The following DPP4 variants were observed in gnomAD, a reference collection of about 807,000 sequenced individuals.
DPP4 encodes dipeptidyl peptidase 4.
In DPP4, 93 loss-of-function variants were observed where a neutral mutation model predicts 122.4. The ratio of observed to expected loss-of-function variants is 0.76; its 90% CI spans 0.64 to 0.90. The LOEUF is 0.90. Among genes scored for constraint, DPP4 ranks in the 40% least tolerant of loss-of-function variants. The pLI is 0.00. For missense variants in DPP4, 914 were observed against 907.3 expected (o/e 1.01, Z -0.09); for synonymous variants, 321 against 302.9 (o/e 1.06, Z -0.62).
intron 2 of DPP4, among the ~76,000 whole-genome samples, chr2:162,063,886 A>G (rs1053215383): frequency 3.3e-5 from 5 of 152,262 alleles, no homozygotes; most frequent in African/African-American, 9.6e-5. Flanking sequence ...TATGTTCATG[A>G]TCAAATAGAG....
intron 2 of DPP4, among the ~76,000 whole-genome samples, chr2:162,070,224 G>T (rs1446856436): frequency 6.6e-6 from 1 of 152,148 alleles, no homozygotes; most frequent in Non-Finnish European, 1.5e-5. Context: ...ACAGAAGAGG[G>T]TGAACTTTTG....
intron 25 of DPP4, among the ~76,000 whole-genome samples, chr2:161,993,634 C>G (rs927082491): frequency 6.6e-6 from 1 of 152,134 alleles, no homozygotes; most frequent in African/African-American, 2.4e-5. Flanking sequence ...AGAGAACTCA[C>G]TGTGAATTTG....
Position 162,027,753 on chromosome 2 carries a change from A to G in DPP4, c.888-2814T>C, listed in dbSNP as rs555256054. On this transcript the variant is annotated intron_variant, in intron 10 of 25. Transcript: ENST00000360534. ...TAAACATCAGGTTCAGAAATCAGCA[A>G]TATAAAAGCAACCTTTCCCCATTTG... Among the ~76,000 whole-genome samples the G allele has an allele frequency of 2.6e-5, 4 of 152,298 alleles. No homozygotes were observed. The South Asian group carries it at 8.3e-4, about 32-fold the overall frequency.
At chr2:162,058,509 G>C (rs1684653524) in intron 2 of DPP4, among the ~76,000 whole-genome samples, 1 of 152,224 alleles carries the variant, frequency 6.6e-6, no homozygotes, top group Non-Finnish European at 1.5e-5. Context: ...TTTGTCTGGA[G>C]TATGTTTTCC....
chr2:162,025,426 G>C (rs1310469351), intron 10 of DPP4, among the ~76,000 whole-genome samples: 1 of 151,844 alleles, frequency 6.6e-6, no homozygotes, highest in South Asian at 2.1e-4. Flanking sequence ...ATTTTCAAAG[G>C]GGAAAAAATT....
intron 2 of DPP4, among the ~76,000 whole-genome samples, chr2:162,070,307 C>T (rs760605999): frequency 4.7e-5 from 7 of 148,340 alleles, no homozygotes; most frequent in Non-Finnish European, 9.0e-5. Flanking sequence ...TAGTATTAAG[C>T]CTCTCTCTCT....
chr2:162,058,246 A>G (rs115753149), intron 2 of DPP4, among the ~76,000 whole-genome samples: 170 of 152,362 alleles, frequency 1.1e-3, no homozygotes, highest in African/African-American at 3.8e-3. Context: ...CCTGAGTCAC[A>G]TACCATGCAG....
rs1266468898 is a variant in DPP4 at position 162,018,716 on chromosome 2, A to T, written c.1420+13T>A. 6.2e-7 allele frequency: 1 copy of T among 1,612,952 alleles called. No homozygotes were observed. The highest frequency in any genetic ancestry group is 1.7e-5 in the Admixed American group (1 of 59,724). On this transcript the variant is annotated intron_variant, in intron 16 of 25. Coordinates refer to ENST00000360534, the MANE Select transcript of DPP4 (RefSeq NM_001935.4). The stretch of plus-strand genomic sequence containing the variant: ...GCGGCGACTGCCCTCCCTCCCAGGG[A>T]GCTCAGACTTACCGGAACATCTCAG...
chr2:162,033,526 G>A lies in DPP4; in HGVS notation c.887+15C>T. On this transcript the variant is annotated intron_variant, in intron 10 of 25. Coordinates refer to ENST00000360534, the MANE Select transcript of DPP4 (RefSeq NM_001935.4). ...AAACTGTTTACAAGCCAAGCATTCA[G>A]GACAAGAGTCTTACCCTATCAACAT... is the stretch of plus-strand genomic sequence containing the variant. 2.5e-6 allele frequency: 4 copies of A among 1,591,050 alleles called. No homozygotes were observed. Among genetic ancestry groups the A allele is most frequent in the Non-Finnish European group, 3.4e-6 (4 of 1,164,794 alleles).
intron 16 of DPP4, 26 bp downstream of exon 16, chr2:162,018,703 C>T (rs1384551657): frequency 6.2e-7 from 1 of 1,607,746 alleles, no homozygotes; most frequent in Non-Finnish European, 8.5e-7. Context: ...GGCGACTGCC[C>T]TCCCTCCCAG....
intron 2 of DPP4, among the ~76,000 whole-genome samples, chr2:162,056,621 G>A (rs1336346712): frequency 1.3e-5 from 2 of 152,182 alleles, no homozygotes; most frequent in Admixed American, 1.3e-4. Flanking sequence ...AACTATGGAA[G>A]GAATTTAGTT....
intron 18 of DPP4, among the ~76,000 whole-genome samples, chr2:162,015,834 C>T (rs761327773): frequency 2.0e-5 from 3 of 152,150 alleles, no homozygotes; most frequent in Non-Finnish European, 4.4e-5. Context: ...ACCAGGTTGT[C>T]AATGTTAGCT....
chr2:162,036,608 A>G (rs1458056935), intron 8 of DPP4, among the ~76,000 whole-genome samples: 1 of 152,154 alleles, frequency 6.6e-6, no homozygotes, highest in Non-Finnish European at 1.5e-5. Context: ...TCCTGCCTCT[A>G]TTTTAGTATT....
Position 162,074,126 on chromosome 2 carries a change from AG to A in DPP4, c.-146del. On this transcript the variant is annotated 5_prime_UTR_variant, in exon 1 of 26. Transcript: ENST00000360534. ...AAGTTTCGGCCCCGAGTTAAACATT[AG>A]TGAGCGCCGAGCCCGCTGGGTATAA... 7.1e-7 allele frequency: 1 copy of A among 1,416,962 alleles called. No homozygotes were observed. Among genetic ancestry groups the A allele is most frequent in the Non-Finnish European group, 9.2e-7 (1 of 1,085,126 alleles). 87.8% of individuals were successfully genotyped at this position (1,416,962 alleles called of 1,614,324 possible).
At chr2:162,043,940 A>C (rs1303069634) in intron 5 of DPP4, among the ~76,000 whole-genome samples, 1 of 152,142 alleles carries the variant, frequency 6.6e-6, no homozygotes, top group African/African-American at 2.4e-5. Context: ...AGGTAGGAGG[A>C]TTAGTCAAGC....
chr2:162,038,155 G>T, intron 8 of DPP4, 147 bp downstream of exon 8: 1 of 721,010 alleles, frequency 1.4e-6, no homozygotes, highest in Non-Finnish European at 2.2e-6. Flanking sequence ...GACATCTGGT[G>T]CTGTGAGTTC....
intron 12 of DPP4, 59 bp from the exon 13 acceptor site, chr2:162,020,747 CT>C: frequency 7.5e-7 from 1 of 1,328,450 alleles, no homozygotes; most frequent in Non-Finnish European, 1.0e-6. Flanking sequence ...TCAGTACCAA[CT>C]TTAGTTTTAG....
chr2:161,997,425 G>T (rs1041143998), intron 23 of DPP4, among the ~76,000 whole-genome samples: 6 of 151,960 alleles, frequency 3.9e-5, no homozygotes, highest in Non-Finnish European at 7.4e-5. Flanking sequence ...TAAGAAAAAA[G>T]ATTTGTCTAT....
rs562907951 is a variant in DPP4 at position 162,035,451 on chromosome 2, G to C, written c.614-127C>G. On this transcript the variant is annotated intron_variant, in intron 8 of 25. Coordinates refer to ENST00000360534, the MANE Select transcript of DPP4 (RefSeq NM_001935.4). ...TCAACTAATGAACCACTTTGCATTT[G>C]CTGGGCTTCCAAAATCAGAGTAATA... The C allele has an allele frequency of 1.2e-5, 9 of 749,072 alleles. No individual in the cohort carries two copies. The South Asian group carries it at 1.7e-4, about 14-fold the overall frequency. The allele number at this position is 749,072 out of a possible 1,614,324, so 46.4% of individuals were successfully genotyped here.
Sources: allele counts gnomAD v4.1 joint callset (sites outside exome capture counted in the v4.1 genomes callset), GRCh38; gene constraint gnomAD v4.1.1; transcripts MANE v1.5; gene names NCBI Gene and HGNC (gene_info 2026-07-23, HGNC 2026-07-21).